Variants in NUP133 observed in about 807,000 individuals in gnomAD.
NUP133 encodes nucleoporin 133, also known as nuclear pore complex protein Nup133.
Under a neutral mutation model 146.2 loss-of-function variants are expected in NUP133, and 66 were observed. The observed-to-expected ratio is 0.45, with a 90% CI of 0.37 to 0.55. The LOEUF is 0.55. Ranked by LOEUF, NUP133 falls within the 20% of genes least tolerant of loss-of-function variation. The pLI, the probability that NUP133 is intolerant of heterozygous loss-of-function variation, is 0.00. For synonymous variants in NUP133, 521 were observed against 498.8 expected (o/e 1.04, Z -0.59); for missense variants, 1,277 against 1,374.8 (o/e 0.93, Z 1.12).
chr1:229,466,553 G>T, intron 16 of NUP133, 81 bp downstream of exon 16: 1 of 1,482,514 alleles, frequency 6.7e-7, no homozygotes, highest in Non-Finnish European at 9.3e-7. Context: ...CGGCAATACA[G>T]AGTAGGAACA....
intron 16 of NUP133, among the ~76,000 whole-genome samples, chr1:229,465,892 C>CAAAA (rs71561801): frequency 1.6e-4 from 12 of 77,260 alleles, no homozygotes; most frequent in African/African-American, 3.1e-4. Flanking sequence ...CCATGTCTCA[C>CAAAA]AAAAAAAAAA....
At chr1:229,474,382 C>A (rs16849818) in intron 14 of NUP133, among the ~76,000 whole-genome samples, 8,826 of 151,804 alleles carry the variant, frequency 0.058, 767 homozygotes, top group African/African-American at 0.19. Context: ...ATGTTTTTTC[C>A]TCATTAATCC....
Position 229,470,876 on chromosome 1 carries a change from C to T in NUP133, c.1852-72G>A, listed in dbSNP as rs1304747762. 7 of 1,379,616 alleles carry T rather than the reference C, an allele frequency of 5.1e-6. No homozygotes were observed. In the South Asian group the frequency reaches 6.1e-5, roughly 12 times the overall value. 85.5% of individuals were successfully genotyped at this position (1,379,616 alleles called of 1,614,324 possible). A position where few individuals can be genotyped will look rare whatever the true frequency, so the allele number is the denominator to read the frequency against. On this transcript the variant is annotated intron_variant, in intron 14 of 25. Transcript: ENST00000261396. The stretch of plus-strand genomic sequence containing the variant: ...ATGCAAAATACCATAGCTGTATTTT[C>T]CCCAGAAGCACCCTGGGCAGTCACT...
chr1:229,460,479 C>T (rs980003562), intron 20 of NUP133, 132 bp downstream of exon 20: 2 of 865,474 alleles, frequency 2.3e-6, no homozygotes, highest in Non-Finnish European at 3.4e-6. Flanking sequence ...GCCCAGCTCC[C>T]TTATATATTT....
intron 21 of NUP133, among the ~76,000 whole-genome samples, chr1:229,454,367 G>A (rs1034032084): frequency 2.0e-5 from 3 of 152,176 alleles, no homozygotes; most frequent in African/African-American, 7.2e-5. Context: ...TCAAATACTG[G>A]CAGCATTCCC....
In NUP133 at chr1:229,498,379, C is replaced by T. The variant is rs183763465; in HGVS notation, c.649-73G>A. On this transcript the variant is annotated intron_variant, in intron 5 of 25. Transcript: ENST00000261396. ...AGATAAAATGAAAAATTCTTTGATA[C>T]AGAGAAAAATCATCGTAATTGAAAT... 39 of 1,042,066 alleles carry T rather than the reference C, an allele frequency of 3.7e-5. No individual in the cohort carries two copies. The African/African-American group carries it at 5.3e-4, about 14-fold the overall frequency. The allele number at this position is 1,042,066 out of a possible 1,614,324, so 64.6% of individuals were successfully genotyped here.
At chr1:229,489,509 A>G (rs1259815313) in intron 9 of NUP133, among the ~76,000 whole-genome samples, 7 of 152,246 alleles carry the variant, frequency 4.6e-5, no homozygotes, top group Non-Finnish European at 1.5e-5. Flanking sequence ...AGAAAATGCA[A>G]CAATGTCTAG....
chr1:229,453,507 C>T (rs536920171), intron 21 of NUP133, among the ~76,000 whole-genome samples: 15 of 151,324 alleles, frequency 9.9e-5, no homozygotes, highest in African/African-American at 3.4e-4. Flanking sequence ...TGAGAAATCA[C>T]TTCTTACTGC....
chr1:229,502,577 AAAAG>A (rs1661831767), intron 2 of NUP133, among the ~76,000 whole-genome samples: 1 of 150,848 alleles, frequency 6.6e-6, no homozygotes, highest in African/African-American at 2.4e-5. Context: ...AAAAAAAAAA[AAAAG>A]AAAGAAAAAA....
chr1:229,448,892 G>T, intron 24 of NUP133: 1 of 516,376 alleles, frequency 1.9e-6, no homozygotes, highest in South Asian at 2.3e-5. Context: ...TGGCATCAAA[G>T]TCAGGGGCAG....
At chr1:229,505,749 G>A (rs1278625118) in intron 2 of NUP133, among the ~76,000 whole-genome samples, 4 of 151,898 alleles carry the variant, frequency 2.6e-5, no homozygotes, top group East Asian at 3.9e-4. Flanking sequence ...TTAGCTGGGC[G>A]TGGTGGCTCA....
rs539980484 is a variant in NUP133 at position 229,487,864 on chromosome 1, G to C, written c.1195-251C>G. On this transcript the variant is annotated intron_variant, in intron 9 of 25. Coordinates refer to ENST00000261396, the MANE Select transcript of NUP133 (RefSeq NM_018230.3). ...TTTTTTTTTTTTTTTTTTTTTTTGAGACAGAGTCCCACTCTGTTGCCCAGG... is the reference window on the plus strand; with the variant it reads ...TTTTTTTTTTTTTTTTTTTTTTTGACACAGAGTCCCACTCTGTTGCCCAGG... Among the ~76,000 whole-genome samples the C allele has an allele frequency of 1.0e-4, 12 of 115,042 alleles. No homozygotes were observed. In the South Asian group the frequency reaches 2.9e-3, roughly 28 times the overall value. 75.5% of individuals were successfully genotyped at this position (115,042 alleles called of 152,430 possible).
intron 14 of NUP133, among the ~76,000 whole-genome samples, chr1:229,473,047 T>C (rs1194497224): frequency 6.6e-6 from 1 of 151,786 alleles, no homozygotes; most frequent in African/African-American, 2.4e-5. Context: ...AGGCCAGGAA[T>C]TTGAGACCAG....
Position 229,486,583 on chromosome 1 carries a change from T to C in NUP133, c.1343-55A>G, listed in dbSNP as rs74736475. On this transcript the variant is annotated intron_variant, in intron 10 of 25. Coordinates refer to ENST00000261396, the MANE Select transcript of NUP133 (RefSeq NM_018230.3). ...ATCTAACAATAACAACAAAATGCTATGTAAAAGCTACCACCCTAAGCAGAA... is the reference window on the plus strand; with the variant it reads ...ATCTAACAATAACAACAAAATGCTACGTAAAAGCTACCACCCTAAGCAGAA... 2,553 of 1,518,894 alleles carry C rather than the reference T, an allele frequency of 1.7e-3. 40 individuals are homozygous for C. The African/African-American group carries it at 0.033, about 20-fold the overall frequency. 94.1% of individuals were successfully genotyped at this position (1,518,894 alleles called of 1,614,324 possible). A position where few individuals can be genotyped will look rare whatever the true frequency, so the allele number is the denominator to read the frequency against.
At chr1:229,446,775 A>C (rs1365124351) in intron 24 of NUP133, among the ~76,000 whole-genome samples, 2 of 149,724 alleles carry the variant, frequency 1.3e-5, no homozygotes, top group Non-Finnish European at 2.9e-5. Context: ...AAATAAATAA[A>C]TAAAACAAAA....
At chr1:229,464,987 G>T in intron 17 of NUP133, 112 bp from the exon 18 acceptor site, 1 of 1,278,494 alleles carries the variant, frequency 7.8e-7, no homozygotes, top group Non-Finnish European at 1.1e-6. Flanking sequence ...AAATTACATT[G>T]AACAGGGATT....
chr1:229,466,193 A>G (rs1288399651), intron 16 of NUP133, among the ~76,000 whole-genome samples: 1 of 152,110 alleles, frequency 6.6e-6, no homozygotes, highest in Non-Finnish European at 1.5e-5. Flanking sequence ...GTTTGCAATC[A>G]GGCATGGTGT....
At chr1:229,458,327 T>C in intron 20 of NUP133, 31 bp from the exon 21 acceptor site, 2 of 1,598,998 alleles carry the variant, frequency 1.3e-6, no homozygotes, top group Non-Finnish European at 1.7e-6. Context: ...CATCGTAAGA[T>C]ACTGAGTACC....
At chr1:229,448,826 C>A in intron 24 of NUP133, 1 of 385,466 alleles carries the variant, frequency 2.6e-6, no homozygotes, top group Non-Finnish European at 4.7e-6. Context: ...GTTGTGGGAA[C>A]CCCAATTTAT....
Sources: allele counts gnomAD v4.1 joint callset (sites outside exome capture counted in the v4.1 genomes callset), GRCh38; gene constraint gnomAD v4.1.1; transcripts MANE v1.5; gene names NCBI Gene and HGNC (gene_info 2026-07-23, HGNC 2026-07-21).